The following MYBL1 variants were observed in gnomAD, a reference collection of about 807,000 sequenced individuals.
The protein encoded by MYBL1 is myb-related protein A.
A neutral mutation model predicts 96.3 loss-of-function variants in MYBL1; 17 were observed. That is an observed-to-expected ratio of 0.18 (90% CI 0.12 to 0.26). MYBL1 has a LOEUF of 0.26. Among genes scored for constraint, MYBL1 ranks in the 10% least tolerant of loss-of-function variants. The pLI is 1.00. For missense variants in MYBL1, 701 were observed against 882.9 expected, an observed-to-expected ratio of 0.79 and a Z score of 2.61; for synonymous variants, 282 against 292.7, an observed-to-expected ratio of 0.96 and a Z score of 0.37.
At position 66,587,441 on chromosome 8, in the gene MYBL1, A is replaced by G. The variant is rs143106797; in HGVS notation, c.867+4999T>C. On this transcript the variant is annotated intron_variant, in intron 8 of 15. Transcript: ENST00000522677. ...CTTGTGTAGGTTCCCACTGCAGAGTAAAACCTGAAGTCAGAGACTATGTCA... is the reference window on the plus strand; with the variant it reads ...CTTGTGTAGGTTCCCACTGCAGAGTGAAACCTGAAGTCAGAGACTATGTCA... Among the ~76,000 whole-genome samples, 13 of 152,262 alleles carry G rather than the reference A, an allele frequency of 8.5e-5. No individual in the cohort carries two copies. The East Asian group carries it at 2.3e-3, about 27-fold the overall frequency.
chr8:66,580,593 A>G (rs1330788870), intron 8 of MYBL1, among the ~76,000 whole-genome samples: 1 of 152,220 alleles, frequency 6.6e-6, no homozygotes, highest in African/African-American at 2.4e-5. Context: ...GCATTTACAT[A>G]CAACATAAAG....
rs1450527424 is a variant in MYBL1 at position 66,566,947 on chromosome 8, T to C, written c.1774A>G (p.Lys592Glu). ...AATAGGTCTGTTCCAGTTTCTTCTT[T>C]TAAAACTTCCCGAATATCTTCTTCC... is the stretch of plus-strand genomic sequence containing the variant. ...FLEEDIREVL[K>E]EETGTDLFLK... Residue 592 changes from lysine (K) to glutamate (E), a missense_variant, in exon 13 of 16, where the codon AAA becomes GAA. Around this residue, in one of 5 missense-constraint regions of MYBL1, gnomAD observed 63 missense variants for 109.2 expected, o/e 0.58. Transcript: ENST00000522677. The C allele has an allele frequency of 6.2e-7, 1 of 1,613,126 alleles. No homozygotes were observed. Among genetic ancestry groups the C allele is most frequent in the Admixed American group, 1.7e-5 (1 of 59,966 alleles).
Position 66,613,196 on chromosome 8 carries a change from T to G in MYBL1, c.-358A>C. ...CCACAGGCGCCCGACCCCTGCCCTC[T>G]CCCCCGCAGCTAGCAGTTCTGCAGG... On this transcript the variant is annotated 5_prime_UTR_variant, in exon 1 of 16. Transcript: ENST00000522677. 1 of 400,164 alleles carries G rather than the reference T, an allele frequency of 2.5e-6. No individual in the cohort carries two copies. The highest frequency in any genetic ancestry group is 3.6e-5 in the East Asian group (1 of 28,054). The allele number at this position is 400,164 out of a possible 1,614,324, so 24.8% of individuals were successfully genotyped here. A position where few individuals can be genotyped will look rare whatever the true frequency, so the allele number is the denominator to read the frequency against.
intron 1 of MYBL1, among the ~76,000 whole-genome samples, chr8:66,608,997 C>T (rs1011433044): frequency 1.3e-5 from 2 of 151,988 alleles, no homozygotes; most frequent in African/African-American, 4.8e-5. Flanking sequence ...CTACTATATT[C>T]AAATGGAAAC....
chr8:66,569,200 T>A (rs1456120724), intron 12 of MYBL1, among the ~76,000 whole-genome samples: 1 of 152,158 alleles, frequency 6.6e-6, no homozygotes, highest in Admixed American at 6.5e-5. Flanking sequence ...AATGAGAACA[T>A]GCAGTATTTG....
At position 66,593,185 on chromosome 8, in the gene MYBL1, A is replaced by G; in HGVS notation, c.697T>C (p.Tyr233His). 1 of 1,575,374 alleles carries G rather than the reference A, an allele frequency of 6.3e-7. No homozygotes were observed. Among genetic ancestry groups the G allele is most frequent in the East Asian group, 2.3e-5 (1 of 44,114 alleles). Residue 233 changes from tyrosine (Y) to histidine (H), a missense_variant, in exon 7 of 16, where the codon TAT becomes CAT. Physicochemically the swap from Tyr to His is moderately conservative, Grantham distance 83. Around this residue, in one of 5 missense-constraint regions of MYBL1, gnomAD observed 396 missense variants for 407.4 expected, o/e 0.97. Transcript: ENST00000522677. ...TTGCCTTCAGGTGACACATACTGAT[A>G]CCCAGGGATCTAAAAAGTAATTAAT... is the stretch of plus-strand genomic sequence containing the variant. ...QFYIPVQIPG[Y>H]QYVSPEGNCI...
chr8:66,577,038 T>C (rs1808983366), intron 9 of MYBL1, among the ~76,000 whole-genome samples: 1 of 152,224 alleles, frequency 6.6e-6, no homozygotes, highest in East Asian at 1.9e-4. Context: ...CCCTTCATGC[T>C]AAAAACTCTC....
chr8:66,579,208 T>A (rs1809097303), intron 9 of MYBL1, among the ~76,000 whole-genome samples: 1 of 151,832 alleles, frequency 6.6e-6, no homozygotes, highest in African/African-American at 2.4e-5. Flanking sequence ...TGTGCACATG[T>A]ACCCTAAAAC....
chr8:66,594,375 T>C (rs1450468028), intron 6 of MYBL1, among the ~76,000 whole-genome samples: 1 of 152,132 alleles, frequency 6.6e-6, no homozygotes, highest in Admixed American at 6.5e-5. Flanking sequence ...TTTAAACCCA[T>C]CTATTCTTTT....
chr8:66,596,333 A>G (rs1809848216), intron 5 of MYBL1, among the ~76,000 whole-genome samples: 1 of 152,160 alleles, frequency 6.6e-6, no homozygotes, highest in East Asian at 1.9e-4. Flanking sequence ...ATGGTAAGAA[A>G]GAGTTAATTG....
At chr8:66,579,262 TAA>T (rs923439917) in intron 9 of MYBL1, among the ~76,000 whole-genome samples, 8 of 151,330 alleles carry the variant, frequency 5.3e-5, no homozygotes, top group Admixed American at 5.3e-4. Flanking sequence ...AAATTTTTTT[TAA>T]AAAAATGAAA....
chr8:66,588,760 G>A (rs1809519165), intron 8 of MYBL1, among the ~76,000 whole-genome samples: 1 of 152,142 alleles, frequency 6.6e-6, no homozygotes, highest in East Asian at 1.9e-4. Flanking sequence ...GGTGGCTCAT[G>A]CCTGTAATCC....
Position 66,564,767 on chromosome 8 carries a change from G to A in MYBL1, c.2189C>T (p.Thr730Ile), listed in dbSNP as rs1808438649. 1.9e-6 allele frequency: 3 copies of A among 1,583,028 alleles called. No individual in the cohort carries two copies. Among genetic ancestry groups the A allele is most frequent in the South Asian group, 1.1e-5 (1 of 87,308 alleles). ...YGKTEDQLIM[T>I]EQARRYLSTY... ...ACTCAGATATCTTCTTGCTTGTTCA[G>A]TCATAATAAGTTGGTCTTCTGTCTT... The change falls in exon 16 of 16, where the codon ACT (threonine) becomes ATT (isoleucine). Residue 730 changes from threonine (T) to isoleucine (I), a missense_variant. By Grantham distance (89) the Thr-to-Ile change is moderately conservative. Coordinates refer to ENST00000522677, the MANE Select transcript of MYBL1 (RefSeq NM_001080416.4).
Position 66,566,018 on chromosome 8 carries a change from G to C in MYBL1, c.2130+46C>G, listed in dbSNP as rs767980412. The C allele has an allele frequency of 1.5e-5, 19 of 1,295,856 alleles. No individual in the cohort carries two copies. The African/African-American group carries it at 2.6e-4, about 18-fold the overall frequency. The allele number at this position is 1,295,856 out of a possible 1,614,324, so 80.3% of individuals were successfully genotyped here. A position where few individuals can be genotyped will look rare whatever the true frequency, so the allele number is the denominator to read the frequency against. On this transcript the variant is annotated intron_variant, in intron 15 of 15. Transcript: ENST00000522677. ...GATCAGTAAATCCAAAGTGATCATTGACTAAACAAAAACAAAAATCACTAA... is the reference window on the plus strand; with the variant it reads ...GATCAGTAAATCCAAAGTGATCATTCACTAAACAAAAACAAAAATCACTAA...
chr8:66,566,930 T>C lies in MYBL1; in HGVS notation c.1791A>G (p.Thr597=). The part of the protein sequence containing the change: ...IREVLKEETG[T]DLFLKEEDEP... ...CATCTTCCTCTTTGAGGAATAGGTC[T>C]GTTCCAGTTTCTTCTTTTAAAACTT... Residue 597 remains threonine (T), a synonymous_variant, in exon 13 of 16, where the codon ACA becomes ACG. Transcript: ENST00000522677. 1 of 1,613,420 alleles carries C rather than the reference T, an allele frequency of 6.2e-7. No individual in the cohort carries two copies.
rs1808425597 is a variant in MYBL1 at position 66,564,474 on chromosome 8, C to T, written c.*223G>A. 2 of 309,900 alleles carry T rather than the reference C, an allele frequency of 6.5e-6. No individual in the cohort carries two copies. Among genetic ancestry groups the T allele is most frequent in the Admixed American group, 4.8e-5 (1 of 20,652 alleles). 19.2% of individuals were successfully genotyped at this position (309,900 alleles called of 1,614,324 possible). On this transcript the variant is annotated 3_prime_UTR_variant, in exon 16 of 16. Coordinates refer to ENST00000522677, the MANE Select transcript of MYBL1 (RefSeq NM_001080416.4). ...ATTTTCCCATCTTGTTCTTTAAAAACAATTTTTAAAAATCTCATCTCTTAA... is the reference window on the plus strand; with the variant it reads ...ATTTTCCCATCTTGTTCTTTAAAAATAATTTTTAAAAATCTCATCTCTTAA...
At chr8:66,586,734 T>G (rs538841274) in intron 8 of MYBL1, among the ~76,000 whole-genome samples, 1 of 152,314 alleles carries the variant, frequency 6.6e-6, no homozygotes, top group East Asian at 1.9e-4. Context: ...ATAGCACTAT[T>G]CACAGATATG....
intron 12 of MYBL1, among the ~76,000 whole-genome samples, chr8:66,568,729 G>C (rs562470755): frequency 6.6e-6 from 1 of 152,180 alleles, no homozygotes; most frequent in African/African-American, 2.4e-5. Context: ...TTGTTGTATA[G>C]GTTATTTCAT....
At position 66,563,805 on chromosome 8, in the gene MYBL1, G is replaced by C. The variant is rs1422415852; in HGVS notation, c.*892C>G. On this transcript the variant is annotated 3_prime_UTR_variant, in exon 16 of 16. Transcript: ENST00000522677. ...AACATTTAGGTAGATGTGACATACA[G>C]TATAGATATTGTATTCTTTGCAGCT... The C allele has an allele frequency of 1.3e-5, 2 of 152,470 alleles. No individual in the cohort carries two copies. The highest frequency in any genetic ancestry group is 2.9e-5 in the Non-Finnish European group (2 of 67,956). 9.4% of individuals were successfully genotyped at this position (152,470 alleles called of 1,614,324 possible). A position where few individuals can be genotyped will look rare whatever the true frequency, so the allele number is the denominator to read the frequency against.
Sources: gnomAD v4.1 joint callset for allele counts (sites outside exome capture counted in the v4.1 genomes callset) on GRCh38, gnomAD v4.1.1 for gene constraint, gnomAD v4.1.1 regional missense constraint, MANE v1.5 for transcripts, NCBI Gene and HGNC (gene_info 2026-07-23, HGNC 2026-07-21) for gene names.